STON1: variants seen among roughly 807,000 people sequenced by gnomAD.
STON1 encodes stonin-1.
In STON1, 79 loss-of-function variants were observed where a neutral mutation model predicts 60.9. The ratio of observed to expected loss-of-function variants is 1.30; its 90% confidence interval spans 1.08 to 1.56. The LOEUF (loss-of-function observed/expected upper bound fraction) is 1.56, where lower values mean the gene tolerates loss of function less well. Among genes scored for constraint, STON1 ranks in the 40% most tolerant of loss-of-function variants. The pLI is 0.00. For synonymous variants in STON1, 363 were observed against 306.9 expected, an observed-to-expected ratio of 1.18 and a Z score of -1.91; for missense variants, 1,166 against 858.9, an observed-to-expected ratio of 1.36 and a Z score of -4.47.
Position 48,597,796 on chromosome 2 carries a change from A to G in STON1, c.*2494A>G. 1 of 152,438 alleles carries G rather than the reference A, an allele frequency of 6.6e-6. No individual in the cohort carries two copies. The highest frequency in any genetic ancestry group is 1.9e-4 in the East Asian group (1 of 5,190). The allele number at this position is 152,438 out of a possible 1,614,324, so 9.4% of individuals were successfully genotyped here. A position where few individuals can be genotyped will look rare whatever the true frequency, so the allele number is the denominator to read the frequency against. The stretch of plus-strand genomic sequence containing the variant: ...CATTCTGTGTAGGGAGGGGAGGCTT[A>G]TTCAATTCTTCTGACCTCAGAACTG... On this transcript the variant is annotated 3_prime_UTR_variant, in exon 4 of 4. Coordinates refer to ENST00000404752, the MANE Select transcript of STON1 (RefSeq NM_006873.4).
chr2:48,573,143 A>G (rs2103878353), intron 1 of STON1, among the ~76,000 whole-genome samples: 1 of 152,290 alleles, frequency 6.6e-6, no homozygotes, highest in Admixed American at 6.5e-5. Flanking sequence ...GAGGGAGAAA[A>G]ATAGGCCTTT....
At chr2:48,584,215 A>G (rs1674068490) in intron 2 of STON1, among the ~76,000 whole-genome samples, 1 of 152,126 alleles carries the variant, frequency 6.6e-6, no homozygotes, top group South Asian at 2.1e-4. Flanking sequence ...TGTGGACTTC[A>G]GAGGAAGCAT....
At chr2:48,588,197 C>A (rs1331290240) in intron 2 of STON1, among the ~76,000 whole-genome samples, 1 of 152,194 alleles carries the variant, frequency 6.6e-6, no homozygotes, top group Admixed American at 6.5e-5. Context: ...GCCAATGCAT[C>A]TGGCCCAAGG....
rs1372609010 is a variant in STON1 at position 48,582,187 on chromosome 2, GA to G, written c.1555del (p.Thr519LeufsTer12). The G allele has an allele frequency of 1.2e-6, 2 of 1,614,096 alleles. No homozygotes were observed. Among genetic ancestry groups the G allele is most frequent in the Admixed American group, 1.7e-5 (1 of 60,010 alleles). ...ACRFELMRFK[T>X]LYNGDNLPFS... ...GCCGGTTTGAGCTGATGCGTTTCAA[GA>G]CTTTGTATAATGGGGATAATCTTCC... On this transcript the variant is annotated frameshift_variant, in exon 2 of 4. Coordinates refer to ENST00000404752, the MANE Select transcript of STON1 (RefSeq NM_006873.4). LOFTEE classifies it high-confidence loss of function.
intron 1 of STON1, among the ~76,000 whole-genome samples, chr2:48,566,615 C>G (rs529165095): frequency 3.3e-5 from 5 of 152,104 alleles, no homozygotes; most frequent in African/African-American, 7.2e-5. Flanking sequence ...AGAATGAGCT[C>G]AAGGGAGTCA....
chr2:48,587,612 G>A (rs1379077372), intron 2 of STON1, among the ~76,000 whole-genome samples: 1 of 152,184 alleles, frequency 6.6e-6, no homozygotes, highest in African/African-American at 2.4e-5. Context: ...TTTATTAGCA[G>A]TGGAGCTCAC....
intron 1 of STON1, among the ~76,000 whole-genome samples, chr2:48,546,163 AT>A (rs976725426): frequency 1.3e-5 from 2 of 152,038 alleles, no homozygotes; most frequent in African/African-American, 4.8e-5. Flanking sequence ...TCTTTCTAAA[AT>A]TCTGATTTGA....
chr2:48,556,986 C>T, intron 1 of STON1, among the ~76,000 whole-genome samples: 1 of 69,488 alleles, frequency 1.4e-5, no homozygotes, highest in South Asian at 7.4e-4. Context: ...ACCCCCCCAC[C>T]TCCCTCCTGG....
chr2:48,591,923 G>A, intron 3 of STON1, 68 bp downstream of exon 3: 1 of 1,551,118 alleles, frequency 6.4e-7, no homozygotes, highest in South Asian at 1.2e-5. Flanking sequence ...TGTCTTTTGT[G>A]ATCGTGTATG....
chr2:48,559,996 G>A (rs1672544306), intron 1 of STON1, among the ~76,000 whole-genome samples: 1 of 152,112 alleles, frequency 6.6e-6, no homozygotes, highest in East Asian at 1.9e-4. Flanking sequence ...AAGGAATTAC[G>A]TTTTAGGGTA....
At chr2:48,530,656 C>T (rs111840463) in intron 1 of STON1, 30 of 152,994 alleles carry the variant, frequency 2.0e-4, no homozygotes, top group African/African-American at 7.0e-4. Flanking sequence ...GGACTCCCTC[C>T]TCCTTCTGAC....
intron 1 of STON1, among the ~76,000 whole-genome samples, chr2:48,540,846 C>G (rs1168595448): frequency 1.3e-5 from 2 of 152,112 alleles, no homozygotes; most frequent in Non-Finnish European, 2.9e-5. Flanking sequence ...GGACACCCAG[C>G]TGGTGTCTGT....
intron 1 of STON1, among the ~76,000 whole-genome samples, chr2:48,579,253 C>A (rs1673730929): frequency 6.6e-6 from 1 of 151,994 alleles, no homozygotes; most frequent in Non-Finnish European, 1.5e-5. Flanking sequence ...GATCTGCTCT[C>A]CTCAGCCTCC....
chr2:48,538,033 A>G (rs1671501286), intron 1 of STON1, among the ~76,000 whole-genome samples: 1 of 151,578 alleles, frequency 6.6e-6, no homozygotes, highest in East Asian at 1.9e-4. Context: ...GGCTCACTGC[A>G]ACCTCCGACT....
intron 1 of STON1, among the ~76,000 whole-genome samples, chr2:48,547,810 A>G (rs1671925239): frequency 6.6e-6 from 1 of 152,246 alleles, no homozygotes; most frequent in Admixed American, 6.5e-5. Flanking sequence ...TCTTGTCTAC[A>G]TGATAATGAG....
intron 1 of STON1, 38 bp from the exon 2 acceptor site, chr2:48,580,549 T>A: frequency 7.6e-7 from 1 of 1,314,180 alleles, no homozygotes; most frequent in Admixed American, 3.0e-5. Flanking sequence ...CCCTTCATTT[T>A]ATATACCTAT....
At position 48,580,657 on chromosome 2, in the gene STON1, A is replaced by C. The variant is rs17039250; in HGVS notation, c.24A>C (p.Lys8Asn). The C allele has an allele frequency of 0.33, 446,358 of 1,370,574 alleles. 74,245 individuals carry two copies. Among genetic ancestry groups the C allele is most frequent in the East Asian group, 0.4 (14,620 of 36,724 alleles). 84.9% of individuals were successfully genotyped at this position (1,370,574 alleles called of 1,614,324 possible). A position where few individuals can be genotyped will look rare whatever the true frequency, so the allele number is the denominator to read the frequency against. Residue 8 changes from lysine to asparagine, a missense_variant, in exon 2 of 4, where the codon AAA becomes AAC. Transcript: ENST00000404752. Reference protein sequence around the residue: MCSTNPGKWVTFDDDPAV... With the variant: MCSTNPGNWVTFDDDPAV... The stretch of plus-strand genomic sequence containing the variant: ...AGATGTGCTCCACAAATCCAGGCAA[A>C]TGGGTCACCTTTGATGATGATCCTG...
intron 1 of STON1, among the ~76,000 whole-genome samples, chr2:48,548,618 T>G (rs1671960103): frequency 6.6e-6 from 1 of 151,820 alleles, no homozygotes; most frequent in South Asian, 2.1e-4. Context: ...CAAGCCCCAG[T>G]CTCCAGAGTA....
At chr2:48,562,841 G>T (rs980350003) in intron 1 of STON1, among the ~76,000 whole-genome samples, 1 of 152,222 alleles carries the variant, frequency 6.6e-6, no homozygotes, top group East Asian at 1.9e-4. Flanking sequence ...ATGAGCCCCA[G>T]CACTGTGTCC....
Sources: allele counts gnomAD v4.1 joint callset (sites outside exome capture counted in the v4.1 genomes callset), GRCh38; gene constraint gnomAD v4.1.1; transcripts MANE v1.5; gene names NCBI Gene and HGNC (gene_info 2026-07-23, HGNC 2026-07-21).